Variants in MSH3 observed in about 807,000 individuals in gnomAD.
The protein encoded by MSH3 is mutS homolog 3, also known as DNA mismatch repair protein Msh3.
In MSH3, 106 loss-of-function variants were observed where a neutral mutation model predicts 123.3. The observed-to-expected ratio is 0.86, with a 90% CI of 0.73 to 1.01. MSH3 has a LOEUF of 1.01. Ranked by LOEUF, MSH3 falls within the 50% of genes least tolerant of loss-of-function variation. MSH3 has a pLI of 0.00. For synonymous variants in MSH3, 515 were observed against 481.4 expected, an observed-to-expected ratio of 1.07 and a Z score of -0.91; for missense variants, 1,459 against 1,347.6, an observed-to-expected ratio of 1.08 and a Z score of -1.29.
rs141118996 is a variant in MSH3, at chr5:80,678,947, C to A, written c.1194C>A (p.Gly398=). 3 of 1,614,054 alleles carry A rather than the reference C, an allele frequency of 1.9e-6. No homozygotes were observed. Among genetic ancestry groups the A allele is most frequent in the South Asian group, 2.2e-5 (2 of 91,078 alleles). The change falls in exon 8 of 24, where the codon GGC becomes GGA. Residue 398 remains glycine, a synonymous_variant. Transcript: ENST00000265081. The part of the protein sequence containing the change: ...IGIVGVQPAT[G]EVVFDSFQDS... ...TTTAGGGAGTGCAGCCTGCCACAGG[C>A]GAGGTTGTGTTTGATAGTTTCCAGG...
At chr5:80,724,556 T>C (rs1047514922) in intron 8 of MSH3, among the ~76,000 whole-genome samples, 2 of 151,904 alleles carry the variant, frequency 1.3e-5, no homozygotes, top group African/African-American at 4.8e-5. Flanking sequence ...AAAAAGAAAA[T>C]GCATTACCCA....
rs772978841 is a variant in MSH3, at chr5:80,761,598, A to G, written c.1816A>G (p.Ser606Gly). The change falls in exon 13 of 24, where the codon AGT becomes GGT. Residue 606 changes from serine (S) to glycine (G), a missense_variant. Coordinates refer to ENST00000265081, the MANE Select transcript of MSH3 (RefSeq NM_002439.5). ...AVSEVLHSES[S>G]VFGQIENHLR... ...ATCGGAAGTTCTCCATTCAGAATCT[A>G]GTGTGTTTGGTCAGATAGAAAATCA... 3 of 1,614,006 alleles carry G rather than the reference A, an allele frequency of 1.9e-6. No homozygotes were observed. The highest frequency in any genetic ancestry group is 2.5e-6 in the Non-Finnish European group (3 of 1,179,972).
At chr5:80,820,755 CTT>C (rs1745191226) in intron 20 of MSH3, among the ~76,000 whole-genome samples, 3 of 152,162 alleles carry the variant, frequency 2.0e-5, no homozygotes, top group Admixed American at 6.6e-5. Flanking sequence ...AAAGAAAACA[CTT>C]AAGTTTAGGT....
intron 19 of MSH3, among the ~76,000 whole-genome samples, chr5:80,806,009 G>T (rs1744884043): frequency 6.6e-6 from 1 of 152,098 alleles, no homozygotes; most frequent in African/African-American, 2.4e-5. Context: ...AATCCCTGAG[G>T]TCTTAAACAT....
intron 12 of MSH3, among the ~76,000 whole-genome samples, chr5:80,755,141 G>A (rs6151762): frequency 1.3e-5 from 2 of 152,112 alleles, no homozygotes; most frequent in Non-Finnish European, 2.9e-5. Context: ...GGACTGACCT[G>A]GTGCCCCTTT....
rs1097494 is a variant in MSH3, at chr5:80,729,442, G to T, written c.1568+477G>T. Among the ~76,000 whole-genome samples the T allele has an allele frequency of 2.8e-4, 38 of 133,478 alleles. 1 individual carries two copies. The highest frequency in any genetic ancestry group is 4.6e-4 in the Non-Finnish European group (29 of 62,984). 87.6% of individuals were successfully genotyped at this position (133,478 alleles called of 152,430 possible). On this transcript the variant is annotated intron_variant, in intron 10 of 23. Coordinates refer to ENST00000265081, the MANE Select transcript of MSH3 (RefSeq NM_002439.5). Reference sequence around the variant, plus strand: ...AAAAAAAAAAAAAATGTGTGTGTGTGTGTGTGTGTGTGTGTGTGTATATAT... The same window carrying T: ...AAAAAAAAAAAAAATGTGTGTGTGTTTGTGTGTGTGTGTGTGTGTATATAT...
In MSH3 at chr5:80,813,682, T is replaced by G. The variant is rs770164999; in HGVS notation, c.2754T>G (p.Ile918Met). 1.2e-5 allele frequency: 20 copies of G among 1,614,066 alleles called. No homozygotes were observed. In the Admixed American group the frequency reaches 3.3e-4, roughly 27 times the overall value. Residue 918 changes from isoleucine (I) to methionine (M), a missense_variant, in exon 20 of 24, where the codon ATT becomes ATG. By Grantham distance (10) the Ile-to-Met change is conservative. Coordinates refer to ENST00000265081, the MANE Select transcript of MSH3 (RefSeq NM_002439.5). Reference protein sequence around the residue: ...QVALITIMAQIGSYVPAEEAT... With the variant: ...QVALITIMAQMGSYVPAEEAT... Reference sequence around the variant, plus strand: ...CATTGATTACCATCATGGCTCAGATTGGCTCCTATGTTCCTGCAGAAGAAG... The same window carrying G: ...CATTGATTACCATCATGGCTCAGATGGGCTCCTATGTTCCTGCAGAAGAAG...
chr5:80,770,417 C>G (rs1744196498), intron 15 of MSH3, among the ~76,000 whole-genome samples: 1 of 152,158 alleles, frequency 6.6e-6, no homozygotes, highest in South Asian at 2.1e-4. Flanking sequence ...GCTTTTTAAT[C>G]ATAAAGTGCT....
At chr5:80,764,474 C>T (rs1437959228) in intron 13 of MSH3, among the ~76,000 whole-genome samples, 2 of 150,006 alleles carry the variant, frequency 1.3e-5, no homozygotes, top group Non-Finnish European at 3.0e-5. Flanking sequence ...CTCCAGCCTT[C>T]TGAGTAGTTG....
At chr5:80,704,411 A>G (rs1274666809) in intron 8 of MSH3, among the ~76,000 whole-genome samples, 1 of 152,196 alleles carries the variant, frequency 6.6e-6, no homozygotes, top group Non-Finnish European at 1.5e-5. Flanking sequence ...TAACCTCAAA[A>G]GTGGAATGCA....
At chr5:80,669,626 T>C (rs191404804) in intron 3 of MSH3, among the ~76,000 whole-genome samples, 3 of 152,312 alleles carry the variant, frequency 2.0e-5, no homozygotes, top group African/African-American at 7.2e-5. Context: ...ATGTGCTGTC[T>C]TTTACAGTGT....
chr5:80,729,094 G>A (rs938677152), intron 10 of MSH3, 129 bp downstream of exon 10: 5 of 651,478 alleles, frequency 7.7e-6, no homozygotes, highest in Non-Finnish European at 1.4e-5. Flanking sequence ...GCAAGGATGA[G>A]CTGTTTGGTA....
intron 15 of MSH3, 132 bp downstream of exon 15, chr5:80,769,135 T>A: frequency 3.8e-6 from 3 of 793,322 alleles, no homozygotes; most frequent in Non-Finnish European, 4.0e-6. Context: ...CTTGGAAATA[T>A]GTTGTAATAA....
chr5:80,691,887 G>GTGTATATGTTTATATAGATAAACA (rs1561444330), intron 8 of MSH3, among the ~76,000 whole-genome samples: 205 of 127,786 alleles, frequency 1.6e-3, no homozygotes, highest in Middle Eastern at 4.4e-3. Context: ...ATAGATAAAC[G>GTGTATATGTTTATATAGATAAACA]TGTATATGTT....
chr5:80,843,071 A>G (rs1013251785), intron 20 of MSH3, among the ~76,000 whole-genome samples: 1 of 152,164 alleles, frequency 6.6e-6, no homozygotes, highest in African/African-American at 2.4e-5. Flanking sequence ...ATTTTGAGAT[A>G]CATTCCATCA....
At chr5:80,673,049 C>T (rs987503360) in intron 6 of MSH3, among the ~76,000 whole-genome samples, 191 bp downstream of exon 6, 5 of 152,102 alleles carry the variant, frequency 3.3e-5, no homozygotes, top group Admixed American at 2.6e-4. Flanking sequence ...AGCATCTTTT[C>T]ACATGTCATA....
chr5:80,873,905 C>T (rs75761880), intron 23 of MSH3, among the ~76,000 whole-genome samples: 465 of 152,156 alleles, frequency 3.1e-3, no homozygotes, highest in Non-Finnish European at 5.1e-3. Context: ...AAAGATATTC[C>T]TAGAAAAATA....
At chr5:80,818,813 AG>A (rs2112062149) in intron 20 of MSH3, among the ~76,000 whole-genome samples, 1 of 152,324 alleles carries the variant, frequency 6.6e-6, no homozygotes, top group South Asian at 2.1e-4. Context: ...TCATTGTTTG[AG>A]CTTGATAATG....
Position 80,678,911 on chromosome 5 carries a change from T to C in MSH3, c.1174-16T>C, listed in dbSNP as rs1255048776. ...ATACATTTTTTCTGTAACATTATAT[T>C]TGTATTTGTTTTTAGGGAGTGCAGC... On this transcript the variant is annotated splice_polypyrimidine_tract_variant and intron_variant, in intron 7 of 23. Coordinates refer to ENST00000265081, the MANE Select transcript of MSH3 (RefSeq NM_002439.5). The C allele has an allele frequency of 8.1e-6, 13 of 1,613,722 alleles. No individual in the cohort carries two copies. The highest frequency in any genetic ancestry group is 1.1e-5 in the Non-Finnish European group (13 of 1,179,742).
Sources: gnomAD v4.1 joint callset for allele counts (sites outside exome capture counted in the v4.1 genomes callset) on GRCh38, gnomAD v4.1.1 for gene constraint, MANE v1.5 for transcripts, NCBI Gene and HGNC (gene_info 2026-07-23, HGNC 2026-07-21) for gene names.